Variants in PARP8 observed in about 807,000 individuals in gnomAD.
PARP8 encodes protein mono-ADP-ribosyltransferase PARP8.
PARP8 carries 51 observed loss-of-function variants against 124.1 expected under a neutral mutation model. That is an observed-to-expected ratio of 0.41 (90% CI 0.33 to 0.52). PARP8 has a LOEUF of 0.52. Among genes scored for constraint, PARP8 ranks in the 20% least tolerant of loss-of-function variants. The pLI is 0.21. For missense variants in PARP8, 860 were observed against 1,018.9 expected (o/e 0.84, Z 2.12); for synonymous variants, 391 against 361.5 (o/e 1.08, Z -0.93).
chr5:50,828,888 A>C (rs1394276196), intron 21 of PARP8, among the ~76,000 whole-genome samples: 1 of 151,988 alleles, frequency 6.6e-6, no homozygotes, highest in Non-Finnish European at 1.5e-5. Context: ...GACTGTCTCA[A>C]CAACAAAAAA....
rs561534414 is a variant in PARP8 at position 50,709,373 on chromosome 5, T to C, written c.147-40778T>C. 3.3e-5 allele frequency among the ~76,000 whole-genome samples: 5 copies of C among 152,186 alleles called. No homozygotes were observed. The East Asian group carries it at 9.7e-4, about 29-fold the overall frequency. Reference sequence around the variant, plus strand: ...TTTTGAAAATGCTTTTCAGAGCATTTTGTTCTTGTTTCATGTGCCAAGTAT... The same window carrying C: ...TTTTGAAAATGCTTTTCAGAGCATTCTGTTCTTGTTTCATGTGCCAAGTAT... On this transcript the variant is annotated intron_variant, in intron 2 of 25. Transcript: ENST00000281631.
chr5:50,692,233 C>T (rs1262259252), intron 2 of PARP8, among the ~76,000 whole-genome samples: 3 of 152,104 alleles, frequency 2.0e-5, no homozygotes, highest in Admixed American at 6.6e-5. Context: ...AAAGTGTCTT[C>T]GTGATCTGGC....
intron 2 of PARP8, among the ~76,000 whole-genome samples, chr5:50,747,163 G>GTTTTTTTTTTTTTTTTT (rs1211253892): frequency 4.2e-5 from 4 of 95,506 alleles, no homozygotes; most frequent in Non-Finnish European, 6.1e-5. Flanking sequence ...TGTTTGTTTT[G>GTTTTTTTTTTTTTTTTT]TTTTTTTTTT....
intron 22 of PARP8, among the ~76,000 whole-genome samples, chr5:50,830,573 A>T (rs1309901223): frequency 6.6e-6 from 1 of 152,238 alleles, no homozygotes; most frequent in Admixed American, 6.5e-5. Flanking sequence ...CTTTGCACTT[A>T]AAAAATTTTT....
At chr5:50,710,592 A>ATATC (rs1404422965) in intron 2 of PARP8, among the ~76,000 whole-genome samples, 1 of 152,198 alleles carries the variant, frequency 6.6e-6, no homozygotes, top group East Asian at 1.9e-4. Flanking sequence ...TGGTACTTAG[A>ATATC]TCTTACTGGG....
At chr5:50,763,022 T>C (rs1348509909) in intron 6 of PARP8, 126 bp from the exon 7 acceptor site, 1 of 628,936 alleles carries the variant, frequency 1.6e-6, no homozygotes, top group Non-Finnish European at 2.8e-6. Flanking sequence ...TATTAGTGAA[T>C]ATATTACTTT....
intron 14 of PARP8, among the ~76,000 whole-genome samples, chr5:50,804,923 C>G (rs1743656436): frequency 6.6e-6 from 1 of 151,878 alleles, no homozygotes; most frequent in Non-Finnish European, 1.5e-5. Context: ...CAAGCTGCAG[C>G]TTTTCTTTTT....
chr5:50,778,528 G>GA, intron 8 of PARP8, 32 bp from the exon 9 acceptor site: 18 of 1,468,748 alleles, frequency 1.2e-5, no homozygotes, highest in Non-Finnish European at 1.6e-5. Context: ...TCTAAAAGAT[G>GA]ATTAATTCAT....
chr5:50,707,659 GAGAGAA>G (rs749274323), intron 2 of PARP8, among the ~76,000 whole-genome samples: 10 of 126,040 alleles, frequency 7.9e-5, no homozygotes, highest in African/African-American at 2.8e-4. Flanking sequence ...GAGAGAGAGA[GAGAGAA>G]AATGCCAGTA....
At position 50,834,108 on chromosome 5, in the gene PARP8, A is replaced by G. The variant is rs1747297603; in HGVS notation, c.2377+60A>G. ...GTTCCTAGCTCATCTATAATTAAAA[A>G]TATAAGTATATTTACAGAGTGCTTA... On this transcript the variant is annotated intron_variant, in intron 24 of 25. Transcript: ENST00000281631. 10 of 1,318,992 alleles carry G rather than the reference A, an allele frequency of 7.6e-6. No homozygotes were observed. In the South Asian group the frequency reaches 1.2e-4, roughly 16 times the overall value. The allele number at this position is 1,318,992 out of a possible 1,614,324, so 81.7% of individuals were successfully genotyped here.
chr5:50,784,475 T>C (rs1251414100), intron 9 of PARP8, among the ~76,000 whole-genome samples: 1 of 152,188 alleles, frequency 6.6e-6, no homozygotes. Flanking sequence ...TTGAAAATGA[T>C]AAACAACTAA....
intron 2 of PARP8, among the ~76,000 whole-genome samples, chr5:50,675,706 G>A (rs1161557038): frequency 6.6e-6 from 1 of 152,166 alleles, no homozygotes; most frequent in Non-Finnish European, 1.5e-5. Flanking sequence ...CCAAGGCAGA[G>A]GCTGATTAAT....
At chr5:50,838,223 C>T (rs969671135) in intron 25 of PARP8, among the ~76,000 whole-genome samples, 4 of 152,046 alleles carry the variant, frequency 2.6e-5, no homozygotes, top group African/African-American at 4.8e-5. Flanking sequence ...CAAAGAGACT[C>T]GAAACCTGAG....
intron 9 of PARP8, among the ~76,000 whole-genome samples, chr5:50,785,433 A>G (rs867365849): frequency 1.3e-5 from 2 of 152,090 alleles, no homozygotes; most frequent in Non-Finnish European, 2.9e-5. Context: ...GGATTTTTCT[A>G]CATTTTTGTA....
rs1277866634 is a variant in PARP8 at position 50,763,253 on chromosome 5, A to T, written c.518+11A>T. 2 of 1,559,836 alleles carry T rather than the reference A, an allele frequency of 1.3e-6. No individual in the cohort carries two copies. The highest frequency in any genetic ancestry group is 1.8e-6 in the Non-Finnish European group (2 of 1,131,614). ...TGCAGTTTCTCTCAGGTAAATAAGTATCACTGGTGAATAAAATTAAAGTTT... is the reference window on the plus strand; with the variant it reads ...TGCAGTTTCTCTCAGGTAAATAAGTTTCACTGGTGAATAAAATTAAAGTTT... On this transcript the variant is annotated intron_variant, in intron 7 of 25. Transcript: ENST00000281631.
At chr5:50,768,158 GTTTT>G (rs1761236224) in intron 7 of PARP8, among the ~76,000 whole-genome samples, 1 of 152,126 alleles carries the variant, frequency 6.6e-6, no homozygotes, top group Non-Finnish European at 1.5e-5. Context: ...ATAAGCTGAA[GTTTT>G]ATAGACAAAG....
intron 2 of PARP8, among the ~76,000 whole-genome samples, chr5:50,690,799 T>A (rs1217797475): frequency 7.2e-5 from 11 of 152,188 alleles, no homozygotes. Flanking sequence ...AGACACTACA[T>A]ACATGGTATA....
Position 50,821,191 on chromosome 5 carries a change from T to C in PARP8, c.1669-22T>C, listed in dbSNP as rs1745724325. On this transcript the variant is annotated intron_variant, in intron 15 of 25. Transcript: ENST00000281631. ...TGGATAAAACCTGAAGGGTAGTAAC[T>C]ATCTTATGTGTATATTTCAAGGTGG... 1.9e-6 allele frequency: 3 copies of C among 1,613,472 alleles called. No homozygotes were observed. In the South Asian group the frequency reaches 3.3e-5, roughly 18 times the overall value.
At chr5:50,772,587 A>T (rs903036899) in intron 7 of PARP8, among the ~76,000 whole-genome samples, 6 of 152,146 alleles carry the variant, frequency 3.9e-5, no homozygotes, top group Admixed American at 1.3e-4. Flanking sequence ...TTTGATTTGC[A>T]TTGCCCTGAT....
Sources: allele counts gnomAD v4.1 joint callset (sites outside exome capture counted in the v4.1 genomes callset), GRCh38; gene constraint gnomAD v4.1.1; transcripts MANE v1.5; gene names NCBI Gene and HGNC (gene_info 2026-07-23, HGNC 2026-07-21).